The following APOBEC3D variants were observed in gnomAD, a reference collection of about 807,000 sequenced individuals.
APOBEC3D encodes the protein DNA dC->dU-editing enzyme APOBEC-3D.
APOBEC3D carries 37 observed loss-of-function variants against 45.6 expected under a neutral mutation model. The ratio of observed to expected loss-of-function variants is 0.81; its 90% CI spans 0.62 to 1.07. APOBEC3D has a LOEUF of 1.07. APOBEC3D is among the 50% of genes least tolerant of loss of function. The pLI, the probability that APOBEC3D is intolerant of heterozygous loss-of-function variation, is 0.00. For missense variants in APOBEC3D, 496 were observed against 495.3 expected (o/e 1.00, Z -0.01); for synonymous variants, 175 against 180.7 (o/e 0.97, Z 0.25).
chr22:39,021,393 A>G lies in APOBEC3D; in HGVS notation c.-127A>G. ...AGTGCTGGGATTACAGGCGTGAGCCACCGTGCCCGGCCGGGAGGTCACTTT... is the reference window on the plus strand; with the variant it reads ...AGTGCTGGGATTACAGGCGTGAGCCGCCGTGCCCGGCCGGGAGGTCACTTT... On this transcript the variant is annotated 5_prime_UTR_variant, in exon 1 of 7. Transcript: ENST00000216099. 7.2e-7 allele frequency: 1 copy of G among 1,384,636 alleles called. No homozygotes were observed. The highest frequency in any genetic ancestry group is 1.0e-6 in the Non-Finnish European group (1 of 986,952). 85.8% of individuals were successfully genotyped at this position (1,384,636 alleles called of 1,614,324 possible).
intron 1 of APOBEC3D, 133 bp downstream of exon 1, chr22:39,021,669 C>T: frequency 7.8e-7 from 1 of 1,288,922 alleles, no homozygotes. Context: ...CCCTGCCGCC[C>T]CCACTCCCAG....
In APOBEC3D at chr22:39,021,391, C is replaced by G. The variant is rs1925087287; in HGVS notation, c.-129C>G. ...AAAGTGCTGGGATTACAGGCGTGAG[C>G]CACCGTGCCCGGCCGGGAGGTCACT... is the stretch of plus-strand genomic sequence containing the variant. On this transcript the variant is annotated 5_prime_UTR_variant, in exon 1 of 7. Coordinates refer to ENST00000216099, the MANE Select transcript of APOBEC3D (RefSeq NM_152426.4). 4 of 1,354,908 alleles carry G rather than the reference C, an allele frequency of 3.0e-6. No homozygotes were observed. Among genetic ancestry groups the G allele is most frequent in the Non-Finnish European group, 4.2e-6 (4 of 962,604 alleles). The allele number at this position is 1,354,908 out of a possible 1,614,324, so 83.9% of individuals were successfully genotyped here.
intron 2 of APOBEC3D, 46 bp from the exon 3 acceptor site, chr22:39,025,024 C>CCT: frequency 7.1e-7 from 1 of 1,417,352 alleles, no homozygotes; most frequent in Non-Finnish European, 9.5e-7. Context: ...CGCACCCCTC[C>CCT]TGTTCCCCCG....
chr22:39,027,453 C>T (rs879391117), intron 4 of APOBEC3D, among the ~76,000 whole-genome samples: 5 of 152,268 alleles, frequency 3.3e-5, no homozygotes, highest in Admixed American at 1.3e-4. Context: ...GGGGTCCCTC[C>T]GGAGGTCCTC....
chr22:39,024,298 A>G (rs1438812677), intron 2 of APOBEC3D, among the ~76,000 whole-genome samples: 1 of 152,076 alleles, frequency 6.6e-6, no homozygotes, highest in Admixed American at 6.6e-5. Context: ...GCCCCCCAAT[A>G]TGGGACAGCG....
At chr22:39,024,792 C>G (rs1925462361) in intron 2 of APOBEC3D, among the ~76,000 whole-genome samples, 1 of 152,148 alleles carries the variant, frequency 6.6e-6, no homozygotes, top group Admixed American at 6.6e-5. Context: ...CTGAGGTCAC[C>G]TTTGAATAAC....
rs147965946 is a variant in APOBEC3D, at chr22:39,028,484, C to T, written c.606-879C>T. On this transcript the variant is annotated intron_variant, in intron 4 of 6. Transcript: ENST00000216099. The stretch of plus-strand genomic sequence containing the variant: ...GCAGGCCTCAGGCACATGCCATGAG[C>T]TCAGACATATGCAGCACTTAGGAGA... Among the ~76,000 whole-genome samples, 498 of 152,346 alleles carry T rather than the reference C, an allele frequency of 3.3e-3. 7 individuals carry two copies. Among genetic ancestry groups the T allele is most frequent in the African/African-American group, 0.011 (472 of 41,574 alleles).
intron 2 of APOBEC3D, among the ~76,000 whole-genome samples, chr22:39,024,327 C>A (rs1288652966): frequency 6.6e-6 from 1 of 152,196 alleles, no homozygotes; most frequent in Non-Finnish European, 1.5e-5. Flanking sequence ...GTGGCCTCCC[C>A]AGTGGGGAAC....
chr22:39,031,546 G>A (rs1291967277), intron 5 of APOBEC3D, 148 bp from the exon 6 acceptor site: 1 of 1,248,444 alleles, frequency 8.0e-7, no homozygotes, highest in African/African-American at 1.5e-5. Flanking sequence ...CCCCAGCTTG[G>A]GCAACAGGAG....
chr22:39,032,492 T>C lies in APOBEC3D; in HGVS notation c.*176T>C. ...CCACCTCCTCCCCGCTCTCCCAGGC[T>C]CTTCTTGTAGAGGCTCTCCATCCAC... On this transcript the variant is annotated 3_prime_UTR_variant, in exon 7 of 7. Transcript: ENST00000216099. 7.1e-7 allele frequency: 1 copy of C among 1,406,416 alleles called. No homozygotes were observed. The highest frequency in any genetic ancestry group is 9.2e-7 in the Non-Finnish European group (1 of 1,084,132). 87.1% of individuals were successfully genotyped at this position (1,406,416 alleles called of 1,614,324 possible). A position where few individuals can be genotyped will look rare whatever the true frequency, so the allele number is the denominator to read the frequency against.
chr22:39,021,477 A>AG lies in APOBEC3D; in HGVS notation c.-43_-42insG, dbSNP rs1925098650. ...CAGGAAGTGAAACCACAGCACTTCA[A>AG]AAAAAGAGGGAGACTGGGACAAGCG... On this transcript the variant is annotated 5_prime_UTR_variant, in exon 1 of 7. Coordinates refer to ENST00000216099, the MANE Select transcript of APOBEC3D (RefSeq NM_152426.4). 5 of 1,614,016 alleles carry AG rather than the reference A, an allele frequency of 3.1e-6. No homozygotes were observed. The highest frequency in any genetic ancestry group is 4.2e-6 in the Non-Finnish European group (5 of 1,179,988).
chr22:39,029,480 C>T lies in APOBEC3D; in HGVS notation c.723C>T (p.His241=). 6.2e-7 allele frequency: 1 copy of T among 1,614,186 alleles called. No homozygotes were observed. The highest frequency in any genetic ancestry group is 8.5e-7 in the Non-Finnish European group (1 of 1,180,038). The part of the protein sequence containing the change: ...LCFTMEVTKH[H]SAVFRKRGVF... Reference sequence around the variant, plus strand: ...TCACCATGGAAGTTACAAAGCACCACTCAGCTGTCTTCCGGAAGAGGGGCG... The same window carrying T: ...TCACCATGGAAGTTACAAAGCACCATTCAGCTGTCTTCCGGAAGAGGGGCG... The change falls in exon 5 of 7, where the codon CAC becomes CAT. Residue 241 remains histidine (H), a synonymous_variant. Transcript: ENST00000216099.
chr22:39,025,822 C>A, intron 4 of APOBEC3D, 151 bp downstream of exon 4: 1 of 1,481,158 alleles, frequency 6.8e-7, no homozygotes, highest in East Asian at 2.3e-5. Context: ...CTCATGCTCC[C>A]TCCACCTTGG....
At chr22:39,024,215 T>C (rs1176766852) in intron 2 of APOBEC3D, among the ~76,000 whole-genome samples, 2 of 152,034 alleles carry the variant, frequency 1.3e-5, no homozygotes, top group African/African-American at 4.8e-5. Flanking sequence ...CTGAAATGAG[T>C]GGTGTATTTT....
chr22:39,024,941 GA>G (rs1297944454), intron 2 of APOBEC3D, 128 bp from the exon 3 acceptor site: 9 of 867,352 alleles, frequency 1.0e-5, no homozygotes, highest in South Asian at 1.8e-5. Context: ...AAACAGGGGG[GA>G]TGGAGGAAAG....
intron 5 of APOBEC3D, among the ~76,000 whole-genome samples, 169 bp from the exon 6 acceptor site, chr22:39,031,525 G>C (rs1049174718): frequency 2.0e-5 from 3 of 152,178 alleles, no homozygotes; most frequent in African/African-American, 4.8e-5. Flanking sequence ...AGCCCAGATC[G>C]CACCACTGCA....
intron 4 of APOBEC3D, among the ~76,000 whole-genome samples, chr22:39,026,994 T>A (rs1021198770): frequency 6.6e-6 from 1 of 151,984 alleles, no homozygotes; most frequent in Non-Finnish European, 1.5e-5. Context: ...AGAGTAGGCT[T>A]GGATCATGGG....
chr22:39,030,474 A>G (rs144646323), intron 5 of APOBEC3D, among the ~76,000 whole-genome samples: 2,289 of 152,292 alleles, frequency 0.015, 38 homozygotes, highest in African/African-American at 0.053. Context: ...CTCGTGGAAG[A>G]AATTTTAGTG....
At chr22:39,027,551 A>T (rs1162764491) in intron 4 of APOBEC3D, among the ~76,000 whole-genome samples, 1 of 152,150 alleles carries the variant, frequency 6.6e-6, no homozygotes, top group Non-Finnish European at 1.5e-5. Context: ...TCCTGGAACA[A>T]GGGCCCTGGA....
Sources: allele counts gnomAD v4.1 joint callset (sites outside exome capture counted in the v4.1 genomes callset), GRCh38; gene constraint gnomAD v4.1.1; transcripts MANE v1.5; gene names NCBI Gene and HGNC (gene_info 2026-07-23, HGNC 2026-07-21).